Variants in RLF observed in about 807,000 individuals in gnomAD.
The protein encoded by RLF is RLF zinc finger.
Under a neutral mutation model 162.9 loss-of-function variants are expected in RLF, and 7 were observed. That is an observed-to-expected ratio of 0.04 (90% CI 0.02 to 0.08). The LOEUF (loss-of-function observed/expected upper bound fraction) is 0.08. RLF is among the 10% of genes least tolerant of loss of function. The pLI, the probability that RLF is intolerant of heterozygous loss-of-function variation, is 1.00. For missense variants in RLF, 1,664 were observed against 2,244.7 expected, an observed-to-expected ratio of 0.74 and a Z score of 5.23; for synonymous variants, 782 against 791.5, an observed-to-expected ratio of 0.99 and a Z score of 0.20.
intron 1 of RLF, among the ~76,000 whole-genome samples, chr1:40,182,089 G>A (rs1642411095): frequency 6.6e-6 from 1 of 152,094 alleles, no homozygotes; most frequent in Non-Finnish European, 1.5e-5. Context: ...ACAATAAATG[G>A]AAAGACGTTA....
At chr1:40,185,368 G>A (rs1557742254) in intron 1 of RLF, among the ~76,000 whole-genome samples, 2 of 147,834 alleles carry the variant, frequency 1.4e-5, no homozygotes, top group African/African-American at 4.9e-5. Flanking sequence ...GACCTCAAGT[G>A]ATACACCTGC....
At chr1:40,162,121 T>C (rs924667996) in intron 1 of RLF, among the ~76,000 whole-genome samples, 1 of 152,126 alleles carries the variant, frequency 6.6e-6, no homozygotes, top group African/African-American at 2.4e-5. Context: ...GACAGTTGGC[T>C]TCGAAAGGCG....
intron 4 of RLF, among the ~76,000 whole-genome samples, chr1:40,198,788 A>T (rs898724409): frequency 3.9e-5 from 6 of 152,172 alleles, no homozygotes; most frequent in East Asian, 1.9e-4. Context: ...CTAAAAAAAA[A>T]TTTTGTATTG....
At chr1:40,209,877 TAAAA>T (rs76437844) in intron 5 of RLF, among the ~76,000 whole-genome samples, 1 of 130,612 alleles carries the variant, frequency 7.7e-6, no homozygotes, top group Non-Finnish European at 1.7e-5. Context: ...GACTCCGTCT[TAAAA>T]AAAAAAAAAA....
intron 1 of RLF, 56 bp from the exon 2 acceptor site, chr1:40,188,999 A>G (rs1642522016): frequency 2.4e-6 from 3 of 1,260,010 alleles, no homozygotes; most frequent in South Asian, 1.5e-5. Flanking sequence ...TTTGAGGACA[A>G]AGACAATCTG....
At position 40,237,769 on chromosome 1, in the gene RLF, C is replaced by G. The variant is rs772511162; in HGVS notation, c.3067C>G (p.Pro1023Ala). 9 of 1,613,884 alleles carry G rather than the reference C, an allele frequency of 5.6e-6. No individual in the cohort carries two copies. The highest frequency in any genetic ancestry group is 1.3e-5 in the African/African-American group (1 of 74,912). ...CTGCTCAGATACAAACAGTGACTCC[C>G]CAGATGAAGGTCTAGATCACAATAT... ...KPCSDTNSDS[P>A]DEGLDHNIHI... The change falls in exon 8 of 8, where the codon CCA (proline) becomes GCA (alanine). Residue 1023 changes from proline (P) to alanine (A), a missense_variant. Pro to Ala is a conservative substitution (Grantham distance 27, BLOSUM62 -1). Transcript: ENST00000372771. The surrounding 1 kb of genome is among the most constrained non-coding windows in gnomAD (Gnocchi z 4.4).
chr1:40,192,638 A>G (rs1570532901), intron 3 of RLF, among the ~76,000 whole-genome samples: 1 of 152,178 alleles, frequency 6.6e-6, no homozygotes, highest in East Asian at 1.9e-4. Context: ...TCAGATGTGT[A>G]GGATATATTT....
intron 6 of RLF, among the ~76,000 whole-genome samples, chr1:40,223,796 C>T (rs182099363): frequency 1.3e-5 from 2 of 152,276 alleles, no homozygotes; most frequent in Non-Finnish European, 2.9e-5. Context: ...TGTAATTGTC[C>T]ATGGTCTCAA....
At chr1:40,201,555 G>A (rs561949224) in intron 4 of RLF, among the ~76,000 whole-genome samples, 83 of 150,356 alleles carry the variant, frequency 5.5e-4, no homozygotes, top group Admixed American at 4.3e-3. Context: ...GAACCCGGGA[G>A]GCGGAGCTTG....
intron 1 of RLF, among the ~76,000 whole-genome samples, chr1:40,187,003 C>T (rs2124534072): frequency 1.3e-5 from 2 of 151,932 alleles, no homozygotes; most frequent in South Asian, 4.2e-4. Context: ...TTTTTTGTAA[C>T]ATAGATTTTA....
At chr1:40,189,773 G>A (rs916666233) in intron 2 of RLF, among the ~76,000 whole-genome samples, 1 of 151,936 alleles carries the variant, frequency 6.6e-6, no homozygotes, top group East Asian at 1.9e-4. Context: ...CTGCACTCCA[G>A]CCTGGGTGGT....
At chr1:40,194,804 C>CTAGT (rs1269489621) in intron 3 of RLF, among the ~76,000 whole-genome samples, 2 of 128,668 alleles carry the variant, frequency 1.6e-5, no homozygotes, top group African/African-American at 2.8e-5. Flanking sequence ...TGAAAACATC[C>CTAGT]TAGTTATTTA....
rs781090319 is a variant in RLF at position 40,238,805 on chromosome 1, A to G, written c.4103A>G (p.Glu1368Gly). ...AAGATATTTGCTTGCAAATATAAGG[A>G]ATGTAATAAACGCTTCCTGTGTTCC... is the stretch of plus-strand genomic sequence containing the variant. Reference protein sequence around the residue: ...CKKIFACKYKECNKRFLCSKA... With the variant: ...CKKIFACKYKGCNKRFLCSKA... The change falls in exon 8 of 8, where the codon GAA becomes GGA. Residue 1368 changes from glutamate (E) to glycine (G), a missense_variant. Physicochemically the swap from Glu to Gly is moderately conservative, Grantham distance 98. Coordinates refer to ENST00000372771, the MANE Select transcript of RLF (RefSeq NM_012421.4). This position sits in a 1 kb window ranked among gnomAD's most constrained non-coding sequence, Gnocchi z 5.2. 6.2e-7 allele frequency: 1 copy of G among 1,613,360 alleles called. No homozygotes were observed. Among genetic ancestry groups the G allele is most frequent in the East Asian group, 2.2e-5 (1 of 44,882 alleles).
rs138644145 is a variant in RLF at position 40,205,733 on chromosome 1, C to T, written c.810+3119C>T. 1.6e-3 allele frequency among the ~76,000 whole-genome samples: 250 copies of T among 152,202 alleles called. 1 individual carries two copies. Among genetic ancestry groups the T allele is most frequent in the East Asian group, 9.3e-3 (48 of 5,176 alleles). ...GTCTCCATCTCCTGACCTCGTGATC[C>T]GCTCGCCTCTGTTTCCCAAAGTGCT... On this transcript the variant is annotated intron_variant, in intron 5 of 7. Transcript: ENST00000372771.
intron 1 of RLF, among the ~76,000 whole-genome samples, chr1:40,172,622 TA>T (rs1642260913): frequency 6.6e-6 from 1 of 152,012 alleles, no homozygotes; most frequent in Admixed American, 6.6e-5. Flanking sequence ...CTGTCTCTAC[TA>T]AAAATACAAA....
At position 40,168,875 on chromosome 1, in the gene RLF, C is replaced by G. The variant is rs193065075; in HGVS notation, c.237+7239C>G. Among the ~76,000 whole-genome samples the G allele has an allele frequency of 7.1e-3, 1,086 of 151,892 alleles. 6 individuals carry two copies. Among genetic ancestry groups the G allele is most frequent in the Non-Finnish European group, 0.013 (911 of 67,940 alleles). On this transcript the variant is annotated intron_variant, in intron 1 of 7. Transcript: ENST00000372771. ...AGGTGTTATGGCAGGCACCTGTAACCCTAGCTACTCAGGAGGCTGAGGCAG... is the reference window on the plus strand; with the variant it reads ...AGGTGTTATGGCAGGCACCTGTAACGCTAGCTACTCAGGAGGCTGAGGCAG...
chr1:40,220,285 C>T (rs958373737), intron 5 of RLF, among the ~76,000 whole-genome samples: 2 of 152,158 alleles, frequency 1.3e-5, no homozygotes, highest in Admixed American at 1.3e-4. Context: ...AGAGTTGATG[C>T]TCCCACAGTA....
At chr1:40,168,856 T>TA (rs1339737676) in intron 1 of RLF, among the ~76,000 whole-genome samples, 12 of 151,686 alleles carry the variant, frequency 7.9e-5, no homozygotes, top group African/African-American at 2.4e-4. Flanking sequence ...AGCCAGGTGT[T>TA]ATGGCAGGCA....
chr1:40,189,320 T>A, intron 2 of RLF, 111 bp downstream of exon 2: 2 of 804,562 alleles, frequency 2.5e-6, no homozygotes, highest in Non-Finnish European at 3.8e-6. Flanking sequence ...ACCATTAGAG[T>A]CATACCATTG....
Sources: allele counts gnomAD v4.1 joint callset (sites outside exome capture counted in the v4.1 genomes callset), GRCh38; gene constraint gnomAD v4.1.1; non-coding constraint Gnocchi (gnomAD v3.1); transcripts MANE v1.5; gene names NCBI Gene and HGNC (gene_info 2026-07-23, HGNC 2026-07-21).